The following TMEM123 variants were observed in gnomAD, a reference collection of about 807,000 sequenced individuals.
TMEM123 encodes porimin.
Under a neutral mutation model 19.7 loss-of-function variants are expected in TMEM123, and 16 were observed. The ratio of observed to expected loss-of-function variants is 0.81; its 90% CI spans 0.55 to 1.23. The LOEUF (loss-of-function observed/expected upper bound fraction) is 1.23. Ranked by LOEUF, TMEM123 falls within the 50% of genes most tolerant of loss-of-function variation. The pLI, the probability that TMEM123 is intolerant of heterozygous loss-of-function variation, is 0.00. For missense variants in TMEM123, 313 were observed against 257.8 expected (o/e 1.21, Z -1.47); for synonymous variants, 118 against 99.4 (o/e 1.19, Z -1.12).
At chr11:102,432,191 G>A (rs923472636) in intron 2 of TMEM123, among the ~76,000 whole-genome samples, 8 of 152,224 alleles carry the variant, frequency 5.3e-5, no homozygotes, top group African/African-American at 9.6e-5. Flanking sequence ...GGACTTAGAA[G>A]AAGACAGGGA....
Position 102,402,067 on chromosome 11 carries a change from T to C in TMEM123, c.297A>G (p.Thr99=), listed in dbSNP as rs747837378. The part of the protein sequence containing the change: ...MKPTAASNTT[T]PGMVSTNMTS... ...TCATATTTGTTGAGACCATCCCTGG[T>C]GTTGTTGTATTAGATGCCGCTGTAG... is the stretch of plus-strand genomic sequence containing the variant. The change falls in exon 3 of 5, where the codon ACA becomes ACG. Residue 99 remains threonine (T), a synonymous_variant. Transcript: ENST00000398136. The C allele has an allele frequency of 4.3e-6, 7 of 1,613,528 alleles. No homozygotes were observed. The East Asian group carries it at 6.7e-5, about 15-fold the overall frequency.
chr11:102,427,966 C>T (rs928597559), intron 2 of TMEM123, among the ~76,000 whole-genome samples: 41 of 151,980 alleles, frequency 2.7e-4, no homozygotes, highest in African/African-American at 9.9e-4. Context: ...AAAATTATCA[C>T]AATAATCTTC....
At chr11:102,438,266 G>A (rs1217504903) in intron 2 of TMEM123, among the ~76,000 whole-genome samples, 1 of 152,038 alleles carries the variant, frequency 6.6e-6, no homozygotes, top group Non-Finnish European at 1.5e-5. Flanking sequence ...TTGGCCAGGT[G>A]GTCTCGCATT....
chr11:102,403,262 A>T (rs1284926628), intron 2 of TMEM123, among the ~76,000 whole-genome samples: 2 of 152,204 alleles, frequency 1.3e-5, no homozygotes, highest in East Asian at 3.8e-4. Context: ...TGCTCGCCTC[A>T]GCTTCCCCAA....
intron 4 of TMEM123, among the ~76,000 whole-genome samples, chr11:102,400,082 G>C (rs1951898191): frequency 6.6e-6 from 1 of 152,196 alleles, no homozygotes; most frequent in African/African-American, 2.4e-5. Flanking sequence ...GCTTATGTCA[G>C]TAACCTGAAA....
chr11:102,447,082 G>T, intron 2 of TMEM123, among the ~76,000 whole-genome samples: 1 of 152,270 alleles, frequency 6.6e-6, no homozygotes, highest in South Asian at 2.1e-4. Flanking sequence ...GTTATGAGGC[G>T]TAAAACACAT....
intron 2 of TMEM123, among the ~76,000 whole-genome samples, chr11:102,405,693 C>T (rs1392660251): frequency 6.6e-6 from 1 of 152,110 alleles, no homozygotes; most frequent in Admixed American, 6.5e-5. Flanking sequence ...ACACACCCCT[C>T]CCCCTGCCCT....
intron 4 of TMEM123, 79 bp from the exon 5 acceptor site, chr11:102,398,970 GTAGGAT>G: frequency 2.3e-6 from 3 of 1,313,930 alleles, no homozygotes; most frequent in Non-Finnish European, 2.1e-6. Flanking sequence ...TGTTAGTAAA[GTAGGAT>G]TAGAACAATT....
Position 102,398,839 on chromosome 11 carries a change from GTA to G in TMEM123, c.*26_*27del, listed in dbSNP as rs1951883931. On this transcript the variant is annotated 3_prime_UTR_variant, in exon 5 of 5. Transcript: ENST00000398136. ...TTAATTGATAGGGCAGCATCAATCTGTATTCCATCCTTGGTCCATGGATTTCC... is the reference window on the plus strand; with the variant it reads ...TTAATTGATAGGGCAGCATCAATCTGTTCCATCCTTGGTCCATGGATTTCC... 2 of 1,608,344 alleles carry G rather than the reference GTA, an allele frequency of 1.2e-6. No homozygotes were observed. Among genetic ancestry groups the G allele is most frequent in the Non-Finnish European group, 1.7e-6 (2 of 1,177,678 alleles).
At chr11:102,450,333 CCA>C (rs952693448) in intron 1 of TMEM123, among the ~76,000 whole-genome samples, 58 of 152,230 alleles carry the variant, frequency 3.8e-4, no homozygotes, top group African/African-American at 1.4e-3. Context: ...TCCCTTCTTT[CCA>C]CAGTTGTTCA....
chr11:102,443,015 A>T (rs1460501786), intron 2 of TMEM123, among the ~76,000 whole-genome samples: 1 of 152,204 alleles, frequency 6.6e-6, no homozygotes, highest in Non-Finnish European at 1.5e-5. Flanking sequence ...GTTCAAGGAG[A>T]ACTACAAACC....
chr11:102,443,747 G>C (rs1370120179), intron 2 of TMEM123, among the ~76,000 whole-genome samples: 1 of 152,152 alleles, frequency 6.6e-6, no homozygotes, highest in Admixed American at 6.5e-5. Flanking sequence ...ACTACCATCA[G>C]AGTGAACAAG....
rs1951857159 is a variant in TMEM123 at position 102,396,537 on chromosome 11, CT to C, written c.*2329del. Reference sequence around the variant, plus strand: ...TTATTCAAGGAAATTTTAAAATTGGCTTCTGCCTAGTACTTATACATCTGGA... The same window carrying C: ...TTATTCAAGGAAATTTTAAAATTGGCTCTGCCTAGTACTTATACATCTGGA... On this transcript the variant is annotated 3_prime_UTR_variant, in exon 5 of 5. Coordinates refer to ENST00000398136, the MANE Select transcript of TMEM123 (RefSeq NM_052932.3). The C allele has an allele frequency of 1.3e-5, 2 of 152,240 alleles. No homozygotes were observed. Among genetic ancestry groups the C allele is most frequent in the Non-Finnish European group, 2.9e-5 (2 of 68,004 alleles). 9.4% of individuals were successfully genotyped at this position (152,240 alleles called of 1,614,324 possible).
chr11:102,420,356 G>A (rs1480748823), intron 2 of TMEM123, among the ~76,000 whole-genome samples: 1 of 152,196 alleles, frequency 6.6e-6, no homozygotes, highest in Non-Finnish European at 1.5e-5. Context: ...ATCTGACCTG[G>A]AATGAGCTCA....
At chr11:102,411,790 G>A (rs192114325) in intron 2 of TMEM123, among the ~76,000 whole-genome samples, 7 of 152,206 alleles carry the variant, frequency 4.6e-5, no homozygotes, top group South Asian at 2.1e-4. Flanking sequence ...TTGTAAGAAC[G>A]ATGTCTTATA....
At position 102,426,137 on chromosome 11, in the gene TMEM123, TA is replaced by T. The variant is rs576791919; in HGVS notation, c.157+22674del. On this transcript the variant is annotated intron_variant, in intron 2 of 4. Transcript: ENST00000398136. ...GCTATAATGAAATATCAGTCTTAGG[TA>T]ACAGAATTTCCTCTAAATATCAAAA... is the stretch of plus-strand genomic sequence containing the variant. Among the ~76,000 whole-genome samples, 225 of 152,316 alleles carry T rather than the reference TA, an allele frequency of 1.5e-3. 1 individual carries two copies. Among genetic ancestry groups the T allele is most frequent in the Admixed American group, 2.5e-3 (38 of 15,300 alleles).
chr11:102,400,594 A>G (rs1951903053), intron 4 of TMEM123, among the ~76,000 whole-genome samples: 1 of 152,260 alleles, frequency 6.6e-6, no homozygotes, highest in African/African-American at 2.4e-5. Context: ...GTGTCACCCA[A>G]TATGAGTATG....
Sources: gnomAD v4.1 joint callset for allele counts (sites outside exome capture counted in the v4.1 genomes callset) on GRCh38, gnomAD v4.1.1 for gene constraint, MANE v1.5 for transcripts, NCBI Gene and HGNC (gene_info 2026-07-23, HGNC 2026-07-21) for gene names.